The following RFC3 variants were observed in gnomAD, a reference collection of about 807,000 sequenced individuals.
RFC3 encodes replication factor C subunit 3.
In RFC3, 41 loss-of-function variants were observed where a neutral mutation model predicts 45.1. That is an observed-to-expected ratio of 0.91 (90% CI 0.71 to 1.18). The LOEUF is 1.18. RFC3 is among the 50% of genes most tolerant of loss of function. The pLI is 0.00. For synonymous variants in RFC3, 149 were observed against 144.0 expected, an observed-to-expected ratio of 1.03 and a Z score of -0.25; for missense variants, 423 against 428.1, an observed-to-expected ratio of 0.99 and a Z score of 0.10.
At chr13:33,823,337 G>A (rs1435303590) in intron 2 of RFC3, among the ~76,000 whole-genome samples, 4 of 152,168 alleles carry the variant, frequency 2.6e-5, no homozygotes, top group Non-Finnish European at 5.9e-5. Context: ...TGCAACATAT[G>A]TACAGAGATA....
chr13:33,921,402 G>C (rs972149503), intron 8 of RFC3, among the ~76,000 whole-genome samples: 1 of 152,156 alleles, frequency 6.6e-6, no homozygotes, highest in Non-Finnish European at 1.5e-5. Context: ...GGGTTAGGGA[G>C]AGTGTTCCAA....
At chr13:33,836,059 C>T (rs1208950446) in intron 8 of RFC3, 45 bp from the exon 9 acceptor site, 3 of 1,557,406 alleles carry the variant, frequency 1.9e-6, no homozygotes, top group Non-Finnish European at 2.6e-6. Context: ...GCATGCTTAG[C>T]TGTTTTTATT....
intron 8 of RFC3, among the ~76,000 whole-genome samples, chr13:33,923,572 G>C (rs996405823): frequency 1.2e-4 from 19 of 152,102 alleles, no homozygotes; most frequent in African/African-American, 4.3e-4. Flanking sequence ...ATATTGACTA[G>C]GGCTGATGCC....
At chr13:33,858,236 T>G (rs887341803) in intron 8 of RFC3, among the ~76,000 whole-genome samples, 3 of 152,186 alleles carry the variant, frequency 2.0e-5, no homozygotes, top group Admixed American at 1.3e-4. Context: ...CTTTTTAGCT[T>G]CACAGTCTTC....
intron 8 of RFC3, among the ~76,000 whole-genome samples, chr13:33,923,660 AC>A (rs1411710877): frequency 2.0e-5 from 3 of 152,154 alleles, no homozygotes; most frequent in Non-Finnish European, 4.4e-5. Flanking sequence ...GGGAAAGACA[AC>A]CACAGGAGGA....
At position 33,877,484 on chromosome 13, in the gene RFC3, A is replaced by T. The variant is rs538552142; in HGVS notation, c.879+42267A>T. On this transcript the variant is annotated intron_variant, in intron 8 of 8. Transcript: ENST00000434425. Reference sequence around the variant, plus strand: ...TAAACAGGAAGAACCTGACACTTTGATATGGAAGCTGTTTAAGGAATATGA... The same window carrying T: ...TAAACAGGAAGAACCTGACACTTTGTTATGGAAGCTGTTTAAGGAATATGA... Among the ~76,000 whole-genome samples, 3 of 152,280 alleles carry T rather than the reference A, an allele frequency of 2.0e-5. No homozygotes were observed. In the South Asian group the frequency reaches 6.2e-4, roughly 32 times the overall value.
At chr13:33,942,325 T>C (rs1311717134) in intron 8 of RFC3, among the ~76,000 whole-genome samples, 1 of 152,122 alleles carries the variant, frequency 6.6e-6, no homozygotes, top group Non-Finnish European at 1.5e-5. Flanking sequence ...TTAATTTTTA[T>C]TTTTAATTCT....
intron 8 of RFC3, among the ~76,000 whole-genome samples, chr13:33,945,799 T>A (rs2137815789): frequency 1.3e-5 from 2 of 152,370 alleles, no homozygotes; most frequent in South Asian, 4.1e-4. Context: ...TGGTATATTC[T>A]TGACTTACTA....
intron 8 of RFC3, among the ~76,000 whole-genome samples, chr13:33,882,113 AG>A (rs2137600411): frequency 6.6e-6 from 1 of 152,382 alleles, no homozygotes; most frequent in African/African-American, 2.4e-5. Context: ...TTACGAAAGT[AG>A]AACAGATAAT....
intron 8 of RFC3, among the ~76,000 whole-genome samples, chr13:33,946,801 A>T (rs189246335): frequency 6.6e-6 from 1 of 152,236 alleles, no homozygotes; most frequent in Non-Finnish European, 1.5e-5. Flanking sequence ...TTGAGACTAT[A>T]CTAAAACTTG....
chr13:33,958,903 GCATT>G (rs1165061300), intron 8 of RFC3, among the ~76,000 whole-genome samples: 1 of 152,048 alleles, frequency 6.6e-6, no homozygotes, highest in Non-Finnish European at 1.5e-5. Flanking sequence ...GGCCATACTG[GCATT>G]CATTATGACT....
chr13:33,948,395 G>GCTTCAT (rs2082967763), intron 8 of RFC3, among the ~76,000 whole-genome samples: 1 of 152,216 alleles, frequency 6.6e-6, no homozygotes, highest in African/African-American at 2.4e-5. Context: ...TGGATGTTCA[G>GCTTCAT]GCACAAGTTT....
chr13:33,893,067 A>G (rs901172620), intron 8 of RFC3, among the ~76,000 whole-genome samples: 5 of 152,210 alleles, frequency 3.3e-5, no homozygotes, highest in Non-Finnish European at 7.3e-5. Context: ...CACTGAGGAC[A>G]GGCCGAGAGA....
intron 8 of RFC3, among the ~76,000 whole-genome samples, chr13:33,961,776 A>T (rs1405776556): frequency 6.6e-6 from 1 of 152,250 alleles, no homozygotes; most frequent in African/African-American, 2.4e-5. Flanking sequence ...TCAGTAACTG[A>T]GAACATAGAG....
rs1431714346 is a variant in RFC3, at chr13:33,861,243, CTT to C, written c.879+26028_879+26029del. ...GATTTCTTAGAGCATTGATGATAAA[CTT>C]TATTTTAATGCGGTGTTGATTTAAT... On this transcript the variant is annotated intron_variant, in intron 8 of 8. Coordinates refer to the RFC3 transcript ENST00000434425. 3.3e-5 allele frequency among the ~76,000 whole-genome samples: 5 copies of C among 152,152 alleles called. No homozygotes were observed. In the East Asian group the frequency reaches 9.6e-4, roughly 29 times the overall value.
intron 7 of RFC3, among the ~76,000 whole-genome samples, chr13:33,834,298 G>GTATATTATATA (rs1555308471): frequency 5.5e-5 from 6 of 109,218 alleles, no homozygotes; most frequent in African/African-American, 2.5e-4. Context: ...TGTACTGTGT[G>GTATATTATATA]TATATATATA....
At chr13:33,950,098 C>T (rs1410468559) in intron 8 of RFC3, among the ~76,000 whole-genome samples, 2 of 151,854 alleles carry the variant, frequency 1.3e-5, no homozygotes, top group East Asian at 3.9e-4. Context: ...CACACACACA[C>T]ACACACACCC....
At chr13:33,920,653 T>C (rs1353762143) in intron 8 of RFC3, among the ~76,000 whole-genome samples, 1 of 151,908 alleles carries the variant, frequency 6.6e-6, no homozygotes, top group Non-Finnish European at 1.5e-5. Context: ...CAGGCTGATG[T>C]CAAACTCTTG....
At chr13:33,862,878 G>C (rs565563277) in intron 8 of RFC3, among the ~76,000 whole-genome samples, 3 of 152,250 alleles carry the variant, frequency 2.0e-5, no homozygotes, top group African/African-American at 7.2e-5. Context: ...ATCTTACTTA[G>C]TCCATTTCCC....
Sources: allele counts gnomAD v4.1 joint callset (sites outside exome capture counted in the v4.1 genomes callset), GRCh38; gene constraint gnomAD v4.1.1; transcripts MANE v1.5; gene names NCBI Gene and HGNC (gene_info 2026-07-23, HGNC 2026-07-21).